Variants in ITGA6 observed in about 807,000 individuals in gnomAD.
ITGA6 encodes integrin alpha-6.
ITGA6 carries 63 observed loss-of-function variants against 133.6 expected under a neutral mutation model. The ratio of observed to expected loss-of-function variants is 0.47; its 90% confidence interval spans 0.38 to 0.58. The LOEUF (loss-of-function observed/expected upper bound fraction) is 0.58. Ranked by LOEUF, ITGA6 falls within the 20% of genes least tolerant of loss-of-function variation. ITGA6 has a pLI of 0.00. For missense variants in ITGA6, 1,068 were observed against 1,309.4 expected (o/e 0.82, Z 2.85); for synonymous variants, 434 against 482.0 (o/e 0.90, Z 1.30).
chr2:172,501,924 T>C, intron 25 of ITGA6, 23 bp downstream of exon 25: 1 of 1,601,886 alleles, frequency 6.2e-7, no homozygotes, highest in South Asian at 1.1e-5. Context: ...TGTTTTTTAA[T>C]TGCTAGCTGT....
intron 6 of ITGA6, among the ~76,000 whole-genome samples, chr2:172,474,579 G>C (rs950076783): frequency 3.3e-5 from 5 of 151,868 alleles, no homozygotes; most frequent in African/African-American, 1.2e-4. Flanking sequence ...GTTTCATATG[G>C]GGCTGATGGA....
rs978522711 is a variant in ITGA6 at position 172,479,836 on chromosome 2, G to C, written c.1487+97G>C. On this transcript the variant is annotated intron_variant, in intron 10 of 25. Coordinates refer to ENST00000684293, the MANE Select transcript of ITGA6 (RefSeq NM_000210.4). The stretch of plus-strand genomic sequence containing the variant: ...TGAGGAGCCACAGGGAAGATGACAG[G>C]AGTGCTGGGCAAAGGGAAGAGGGTC... 7 of 1,230,894 alleles carry C rather than the reference G, an allele frequency of 5.7e-6. No individual in the cohort carries two copies. In the South Asian group the frequency reaches 7.2e-5, roughly 13 times the overall value. 76.2% of individuals were successfully genotyped at this position (1,230,894 alleles called of 1,614,324 possible). A position where few individuals can be genotyped will look rare whatever the true frequency, so the allele number is the denominator to read the frequency against.
In ITGA6 at chr2:172,427,996, C is replaced by A. The variant is rs375279228; in HGVS notation, c.182+26C>A. 2.8e-5 allele frequency: 45 copies of A among 1,588,512 alleles called. No individual in the cohort carries two copies. In the African/African-American group the frequency reaches 5.1e-4, roughly 18 times the overall value. On this transcript the variant is annotated intron_variant, in intron 1 of 25. Coordinates refer to ENST00000684293, the MANE Select transcript of ITGA6 (RefSeq NM_000210.4). ...GTGAGTTCCCAGACCCTTCCCACCCCCACTGGGGCGCCGGCCTGCGCGCGA... is the reference window on the plus strand; with the variant it reads ...GTGAGTTCCCAGACCCTTCCCACCCACACTGGGGCGCCGGCCTGCGCGCGA...
In ITGA6 at chr2:172,504,975, T is replaced by TTG. The variant is rs1401010229; in HGVS notation, c.*908_*909dup. ...AAGAGTCTCCAGTTTACCCTTCAGG[T>TTG]TGGTTTAATCAATCAGAATTAGAGC... On this transcript the variant is annotated 3_prime_UTR_variant, in exon 26 of 26. Coordinates refer to ENST00000684293, the MANE Select transcript of ITGA6 (RefSeq NM_000210.4). 1.2e-4 allele frequency: 18 copies of TTG among 152,652 alleles called. No individual in the cohort carries two copies. The highest frequency in any genetic ancestry group is 1.2e-3 in the Admixed American group (18 of 15,280). The allele number at this position is 152,652 out of a possible 1,614,324, so 9.5% of individuals were successfully genotyped here. A position where few individuals can be genotyped will look rare whatever the true frequency, so the allele number is the denominator to read the frequency against.
chr2:172,448,404 G>T (rs922293652), intron 1 of ITGA6, among the ~76,000 whole-genome samples: 8 of 152,150 alleles, frequency 5.3e-5, no homozygotes, highest in African/African-American at 1.9e-4. Context: ...TCACTTACCA[G>T]CTGTGTGACC....
At position 172,501,854 on chromosome 2, in the gene ITGA6, A is replaced by T; in HGVS notation, c.3197A>T (p.Lys1066Ile). The part of the protein sequence containing the change: ...KAEIHAQPSD[K>I]ERLTSDA ...GAGATCCATGCTCAGCCATCTGATA[A>T]AGAGAGGCTTACTTCTGATGCATAG... Residue 1066 changes from lysine to isoleucine, a missense_variant, in exon 25 of 26, where the codon AAA becomes ATA. By Grantham distance (102) the Lys-to-Ile change is moderately radical. Transcript: ENST00000684293. 1 of 1,611,904 alleles carries T rather than the reference A, an allele frequency of 6.2e-7. No homozygotes were observed. The highest frequency in any genetic ancestry group is 8.5e-7 in the Non-Finnish European group (1 of 1,178,652).
intron 1 of ITGA6, chr2:172,428,380 G>C (rs1486579441): frequency 6.5e-6 from 1 of 152,714 alleles, no homozygotes; most frequent in African/African-American, 2.4e-5. Context: ...TTTGCAGGGA[G>C]CGTAGTTCCA....
chr2:172,492,812 T>A (rs574135912), intron 23 of ITGA6, among the ~76,000 whole-genome samples: 1 of 152,258 alleles, frequency 6.6e-6, no homozygotes, highest in Non-Finnish European at 1.5e-5. Flanking sequence ...GCTTCAGTCA[T>A]TTAGCTAGCT....
rs780396827 is a variant in ITGA6 at position 172,487,620 on chromosome 2, G to T, written c.2234G>T (p.Arg745Ile). ...TGTGAGCTCGGAAATCCTTTTAAAA[G>T]AAATTCAAATGTAGGTGATGCCTTC... ...ADCELGNPFK[R>I]NSNVTFYLVL... The change falls in exon 16 of 26, where the codon AGA (arginine) becomes ATA (isoleucine). Residue 745 changes from arginine (R) to isoleucine (I), a missense_variant. Arg to Ile is a moderately conservative substitution (Grantham distance 97, BLOSUM62 -3). This residue lies in a region of ITGA6 where 609 missense variants were observed against 707.2 expected (regional missense o/e 0.86). Transcript: ENST00000684293. 1 of 1,614,126 alleles carries T rather than the reference G, an allele frequency of 6.2e-7. No individual in the cohort carries two copies. Among genetic ancestry groups the T allele is most frequent in the South Asian group, 1.1e-5 (1 of 91,082 alleles).
chr2:172,449,047 C>T (rs114357031), intron 1 of ITGA6, among the ~76,000 whole-genome samples: 2,523 of 152,144 alleles, frequency 0.017, 72 homozygotes, highest in African/African-American at 0.057. Flanking sequence ...TGAGCACAGG[C>T]GTCAAAGTCC....
At chr2:172,463,404 A>G (rs1161529831) in intron 1 of ITGA6, among the ~76,000 whole-genome samples, 1 of 152,134 alleles carries the variant, frequency 6.6e-6, no homozygotes, top group Admixed American at 6.5e-5. Context: ...CCCAACTGCA[A>G]TAATGCTTTT....
At chr2:172,445,606 G>A (rs1256107512) in intron 1 of ITGA6, among the ~76,000 whole-genome samples, 3 of 147,516 alleles carry the variant, frequency 2.0e-5, no homozygotes, top group East Asian at 2.1e-4. Flanking sequence ...CTGAGATTGC[G>A]CCACTGCTCT....
intron 1 of ITGA6, among the ~76,000 whole-genome samples, chr2:172,463,316 C>T (rs185351893): frequency 8.7e-4 from 132 of 152,240 alleles, no homozygotes; most frequent in African/African-American, 2.4e-3. Flanking sequence ...GACAATGGGA[C>T]TCCTGTGCTG....
At position 172,474,116 on chromosome 2, in the gene ITGA6, T is replaced by A. The variant is rs890527081; in HGVS notation, c.837T>A (p.Gly279=). 6.2e-6 allele frequency: 10 copies of A among 1,613,896 alleles called. No individual in the cohort carries two copies. The highest frequency in any genetic ancestry group is 6.8e-6 in the Non-Finnish European group (8 of 1,180,010). The change falls in exon 6 of 26, where the codon GGT becomes GGA. Residue 279 remains glycine, a synonymous_variant. Coordinates refer to ENST00000684293, the MANE Select transcript of ITGA6 (RefSeq NM_000210.4). The part of the protein sequence containing the change: ...VSKDEITFVS[G]APRANHSGAV... ...AAGATGAGATCACTTTTGTATCTGG[T>A]GCTCCCAGAGCCAATCACAGTGGAG... is the stretch of plus-strand genomic sequence containing the variant.
At chr2:172,486,426 T>A (rs1443078352) in intron 13 of ITGA6, among the ~76,000 whole-genome samples, 1 of 152,174 alleles carries the variant, frequency 6.6e-6, no homozygotes, top group African/African-American at 2.4e-5. Context: ...GCTCCATAGC[T>A]AGAGATGATT....
chr2:172,503,946 G>A (rs1650349596), intron 25 of ITGA6, 145 bp from the exon 26 acceptor site: 2 of 535,942 alleles, frequency 3.7e-6, no homozygotes, highest in African/African-American at 4.0e-5. Flanking sequence ...TCAGCCTCTT[G>A]GTTCTTTCTT....
chr2:172,443,665 TTGTTAAAATGTATG>T (rs1306841928), intron 1 of ITGA6, among the ~76,000 whole-genome samples: 8 of 152,386 alleles, frequency 5.2e-5, no homozygotes, highest in Non-Finnish European at 8.8e-5. Context: ...TACTTTATGC[TTGTTAAAATGTATG>T]TGTTAAAATT....
chr2:172,493,072 A>G (rs1213387514), intron 23 of ITGA6, among the ~76,000 whole-genome samples: 2 of 106,244 alleles, frequency 1.9e-5, no homozygotes, highest in African/African-American at 9.7e-5. Context: ...CGCCCAGCTA[A>G]TTTTTCAGTT....
rs113927986 is a variant in ITGA6 at position 172,487,366 on chromosome 2, T to C, written c.2073T>C (p.Asp691=). ...SPSNPRNPTK[D]GDDAHEAKLI... ...CCAACCCAAGGAATCCCACAAAAGA[T>C]GGCGATGACGCCCATGAGGCTAAAC... The change falls in exon 15 of 26, where the codon GAT becomes GAC. Residue 691 remains aspartate (D), a synonymous_variant. Coordinates refer to ENST00000684293, the MANE Select transcript of ITGA6 (RefSeq NM_000210.4). The C allele has an allele frequency of 1.9e-5, 31 of 1,614,142 alleles. No homozygotes were observed. Among genetic ancestry groups the C allele is most frequent in the African/African-American group, 1.9e-4 (14 of 75,058 alleles).
Sources: allele counts gnomAD v4.1 joint callset (sites outside exome capture counted in the v4.1 genomes callset), GRCh38; gene constraint gnomAD v4.1.1; regional missense constraint gnomAD v4.1.1; transcripts MANE v1.5; gene names NCBI Gene and HGNC (gene_info 2026-07-23, HGNC 2026-07-21).